The following NKAIN2 variants were observed in gnomAD, a reference collection of about 807,000 sequenced individuals.
The protein encoded by NKAIN2 is sodium/potassium transporting ATPase interacting 2.
A neutral mutation model predicts 32.6 loss-of-function variants in NKAIN2; 14 were observed. The observed-to-expected ratio is 0.43, with a 90% CI of 0.28 to 0.67. The LOEUF is 0.67. NKAIN2 is among the 30% of genes least tolerant of loss of function. NKAIN2 has a pLI of 0.17. For synonymous variants in NKAIN2, 80 were observed against 87.2 expected (o/e 0.92, Z 0.46); for missense variants, 198 against 258.3 (o/e 0.77, Z 1.60).
intron 3 of NKAIN2, among the ~76,000 whole-genome samples, chr6:124,507,187 G>A (rs896199296): frequency 3.9e-5 from 6 of 152,146 alleles, no homozygotes; most frequent in Admixed American, 1.3e-4. Context: ...AGCAAAGTAC[G>A]CGAGGGTTTG....
At chr6:124,820,345 AT>A (rs765958868) in intron 6 of NKAIN2, among the ~76,000 whole-genome samples, 7 of 152,222 alleles carry the variant, frequency 4.6e-5, no homozygotes, top group Non-Finnish European at 7.3e-5. Context: ...GAATAACTCT[AT>A]TTAATTTTAC....
At chr6:124,676,364 C>T (rs566972286) in intron 4 of NKAIN2, among the ~76,000 whole-genome samples, 182 of 152,094 alleles carry the variant, frequency 1.2e-3, no homozygotes, top group African/African-American at 4.3e-3. Flanking sequence ...TTGTTCTAGT[C>T]CTCTTTTTCT....
At chr6:124,141,542 A>G (rs80263634) in intron 1 of NKAIN2, among the ~76,000 whole-genome samples, 7,004 of 151,974 alleles carry the variant, frequency 0.046, 247 homozygotes, top group East Asian at 0.12. Flanking sequence ...TTAAAATTCA[A>G]TCAATTTAGG....
At chr6:123,961,689 A>T (rs950432185) in intron 1 of NKAIN2, among the ~76,000 whole-genome samples, 2 of 152,200 alleles carry the variant, frequency 1.3e-5, no homozygotes, top group Non-Finnish European at 2.9e-5. Context: ...GTGAAATGAC[A>T]TAATCTATTT....
chr6:124,203,973 A>C (rs1256981966), intron 1 of NKAIN2, among the ~76,000 whole-genome samples: 6 of 151,898 alleles, frequency 4.0e-5, no homozygotes, highest in Non-Finnish European at 8.8e-5. Context: ...ATAAACTCAT[A>C]AACAAGCATT....
chr6:124,393,736 G>A (rs1219002375), intron 3 of NKAIN2, among the ~76,000 whole-genome samples: 4 of 152,116 alleles, frequency 2.6e-5, no homozygotes, highest in African/African-American at 9.7e-5. Flanking sequence ...CTGGAACCTA[G>A]TGTTAGTCAT....
chr6:124,270,545 C>T (rs571844094), intron 1 of NKAIN2, among the ~76,000 whole-genome samples: 1 of 152,046 alleles, frequency 6.6e-6, no homozygotes, highest in Non-Finnish European at 1.5e-5. Context: ...AAGTCATTTG[C>T]TATGAGAAAG....
At chr6:124,482,862 C>T (rs890011062) in intron 3 of NKAIN2, among the ~76,000 whole-genome samples, 15 of 152,140 alleles carry the variant, frequency 9.9e-5, no homozygotes, top group African/African-American at 2.9e-4. Context: ...TGGCTGGGCG[C>T]GGTGGCTCAC....
intron 3 of NKAIN2, among the ~76,000 whole-genome samples, chr6:124,647,096 G>A (rs1765654): frequency 0.48 from 73,046 of 151,702 alleles, 19,638 homozygotes; most frequent in Non-Finnish European, 0.61. Context: ...TAATGGGTAT[G>A]GATATGTAAA....
At chr6:123,944,677 A>T (rs1776985862) in intron 1 of NKAIN2, among the ~76,000 whole-genome samples, 2 of 152,124 alleles carry the variant, frequency 1.3e-5, no homozygotes, top group South Asian at 4.1e-4. Flanking sequence ...AAAAAACTTG[A>T]GAAACTTTAG....
At chr6:123,895,874 C>T (rs561222396) in intron 1 of NKAIN2, among the ~76,000 whole-genome samples, 1 of 150,636 alleles carries the variant, frequency 6.6e-6, no homozygotes, top group African/African-American at 2.4e-5. Context: ...AACATTCGTT[C>T]GTCTCCCTTA....
chr6:124,577,076 A>G (rs1426435088), intron 3 of NKAIN2, among the ~76,000 whole-genome samples: 1 of 152,198 alleles, frequency 6.6e-6, no homozygotes, highest in Non-Finnish European at 1.5e-5. Context: ...CCATCAGACT[A>G]TATCAAGTAT....
intron 2 of NKAIN2, among the ~76,000 whole-genome samples, chr6:124,344,683 G>T (rs573168213): frequency 6.6e-6 from 1 of 152,240 alleles, no homozygotes; most frequent in East Asian, 1.9e-4. Flanking sequence ...CATTTATTTT[G>T]TATCCTGAGA....
At chr6:124,092,533 T>A (rs898746245) in intron 1 of NKAIN2, among the ~76,000 whole-genome samples, 2 of 152,160 alleles carry the variant, frequency 1.3e-5, no homozygotes, top group African/African-American at 4.8e-5. Flanking sequence ...GCACTAGATG[T>A]TAGATTTTTG....
At chr6:123,819,200 C>T (rs1326554045) in intron 1 of NKAIN2, among the ~76,000 whole-genome samples, 1 of 152,122 alleles carries the variant, frequency 6.6e-6, no homozygotes, top group African/African-American at 2.4e-5. Context: ...ATCTGCAGTG[C>T]TCAGGGTGAA....
At chr6:123,832,488 C>T (rs1184279623) in intron 1 of NKAIN2, among the ~76,000 whole-genome samples, 2 of 152,072 alleles carry the variant, frequency 1.3e-5, no homozygotes, top group Non-Finnish European at 2.9e-5. Flanking sequence ...GAGTAAATGC[C>T]AAGAAGCGCA....
intron 3 of NKAIN2, among the ~76,000 whole-genome samples, chr6:124,637,009 AATATAAC>A (rs1783795837): frequency 6.6e-6 from 1 of 152,102 alleles, no homozygotes; most frequent in South Asian, 2.1e-4. Context: ...TAGGAAACTG[AATATAAC>A]ATTACATTAA....
chr6:123,971,394 G>C (rs376011589), intron 1 of NKAIN2, among the ~76,000 whole-genome samples: 3 of 151,870 alleles, frequency 2.0e-5, no homozygotes, highest in African/African-American at 7.3e-5. Flanking sequence ...ATACGGATTT[G>C]TATGTGCTTC....
At chr6:124,486,808 G>A (rs1016956396) in intron 3 of NKAIN2, among the ~76,000 whole-genome samples, 16 of 151,922 alleles carry the variant, frequency 1.1e-4, no homozygotes, top group African/African-American at 2.7e-4. Flanking sequence ...CACTGTGCGC[G>A]GCCTTCAGGT....
Sources: gnomAD v4.1 joint callset for allele counts (sites outside exome capture counted in the v4.1 genomes callset) on GRCh38, gnomAD v4.1.1 for gene constraint, MANE v1.5 for transcripts, NCBI Gene and HGNC (gene_info 2026-07-23, HGNC 2026-07-21) for gene names.